Variants in CPXM2 observed in about 807,000 individuals in gnomAD.
The protein encoded by CPXM2 is inactive carboxypeptidase-like protein X2.
In CPXM2, 66 loss-of-function variants were observed where a neutral mutation model predicts 86.1. That is an observed-to-expected ratio of 0.77 (90% CI 0.63 to 0.94). The LOEUF (loss-of-function observed/expected upper bound fraction) is 0.94, where lower values mean the gene tolerates loss of function less well. Ranked by LOEUF, CPXM2 falls within the 40% of genes least tolerant of loss-of-function variation. The pLI is 0.00. For missense variants in CPXM2, 948 were observed against 1,026.3 expected (o/e 0.92, Z 1.04); for synonymous variants, 388 against 400.2 (o/e 0.97, Z 0.36).
At position 123,746,797 on chromosome 10, in the gene CPXM2, C is replaced by G. The variant is rs1845978758; in HGVS notation, c.2238G>C (p.Lys746Asn). 2 of 1,614,228 alleles carry G rather than the reference C, an allele frequency of 1.2e-6. No homozygotes were observed. Among genetic ancestry groups the G allele is most frequent in the African/African-American group, 2.7e-5 (2 of 75,060 alleles). ...QPVSLPARRL[K>N]LRGQKRRQRG ...GCTGTCGTCTCTTCTGCCCCCGCAG[C>G]TTCAGCCGCCTGGCTGGCAGGCTGA... The change falls in exon 14 of 14, where the codon AAG becomes AAC. Residue 746 changes from lysine to asparagine, a missense_variant. Transcript: ENST00000241305.
intron 8 of CPXM2, among the ~76,000 whole-genome samples, chr10:123,769,033 CA>C (rs992756621): frequency 7.9e-5 from 12 of 152,042 alleles, no homozygotes; most frequent in Non-Finnish European, 1.6e-4. Flanking sequence ...AAGTTGAGCA[CA>C]AGCCGTAGCA....
intron 2 of CPXM2, 99 bp from the exon 3 acceptor site, chr10:123,862,822 G>T (rs1590078213): frequency 1.0e-6 from 1 of 966,252 alleles, no homozygotes; most frequent in Non-Finnish European, 1.6e-6. Flanking sequence ...ATTTTCCCCT[G>T]AACTCCCACC....
chr10:123,757,459 G>C, intron 11 of CPXM2, 107 bp from the exon 12 acceptor site: 2 of 920,694 alleles, frequency 2.2e-6, no homozygotes, highest in Non-Finnish European at 3.5e-6. Flanking sequence ...GGAAGGCCTT[G>C]TTTAAACAGG....
chr10:123,816,455 G>A (rs55756280), intron 4 of CPXM2, among the ~76,000 whole-genome samples: 6,431 of 152,232 alleles, frequency 0.042, 427 homozygotes, highest in African/African-American at 0.14. Context: ...GATTAGCGCC[G>A]CCATCAAGGG....
chr10:123,896,741 G>A (rs897271585), upstream of CPXM2, among the ~76,000 whole-genome samples: 8 of 152,206 alleles, frequency 5.3e-5, no homozygotes, highest in Non-Finnish European at 1.2e-4. Context: ...ACATGAACAG[G>A]CACCCAGGGA....
intron 2 of CPXM2, among the ~76,000 whole-genome samples, chr10:123,932,249 G>C (rs560023779): frequency 1.3e-5 from 2 of 152,196 alleles, no homozygotes; most frequent in East Asian, 3.9e-4. Context: ...GGTGGTATTG[G>C]GCTGCTCTGG....
chr10:123,938,212 G>T (rs991923118), intron 2 of CPXM2, among the ~76,000 whole-genome samples: 3 of 152,186 alleles, frequency 2.0e-5, no homozygotes, highest in Admixed American at 6.5e-5. Flanking sequence ...GATTCAGCAG[G>T]CCTGAGGAGG....
intron 2 of CPXM2, among the ~76,000 whole-genome samples, chr10:123,935,002 G>A (rs1199097758): frequency 6.6e-6 from 1 of 152,186 alleles, no homozygotes; most frequent in Non-Finnish European, 1.5e-5. Flanking sequence ...GAAGTTCTTA[G>A]TTGTTCTTCT....
At chr10:123,907,269 A>G (rs76389226) in intron 2 of CPXM2, among the ~76,000 whole-genome samples, 11,249 of 152,248 alleles carry the variant, frequency 0.074, 525 homozygotes, top group East Asian at 0.19. Context: ...ATTTTTAGAG[A>G]CCTCTTAATG....
intron 13 of CPXM2, among the ~76,000 whole-genome samples, chr10:123,749,045 T>G (rs1846021638): frequency 6.6e-6 from 1 of 152,222 alleles, no homozygotes. Flanking sequence ...AACATTGGTT[T>G]ATCTGAATGG....
chr10:123,926,809 G>C (rs943376121), intron 2 of CPXM2, among the ~76,000 whole-genome samples: 1 of 152,208 alleles, frequency 6.6e-6, no homozygotes, highest in Non-Finnish European at 1.5e-5. Flanking sequence ...GGAATCCCCA[G>C]GGCTTCTGAG....
chr10:123,863,008 C>G (rs1848889473), intron 2 of CPXM2, among the ~76,000 whole-genome samples: 1 of 152,224 alleles, frequency 6.6e-6, no homozygotes, highest in South Asian at 2.1e-4. Flanking sequence ...CAACATGACT[C>G]AGTCAGGAAG....
At chr10:123,894,426 A>G (rs192178254), upstream of CPXM2, among the ~76,000 whole-genome samples, 15 of 152,302 alleles carry the variant, frequency 9.8e-5, no homozygotes, top group East Asian at 2.9e-3. Context: ...AGCAAGTAGG[A>G]CAAATAGAAC....
At chr10:123,843,481 T>C (rs920682861) in intron 3 of CPXM2, among the ~76,000 whole-genome samples, 29 of 143,930 alleles carry the variant, frequency 2.0e-4, no homozygotes, top group Non-Finnish European at 2.8e-4. Flanking sequence ...TTGCCCAGGC[T>C]GGAGTGCAGT....
intron 2 of CPXM2, among the ~76,000 whole-genome samples, chr10:123,911,344 C>T (rs186240247): frequency 3.3e-5 from 5 of 152,106 alleles, no homozygotes; most frequent in East Asian, 2.0e-4. Context: ...ACAGGTCCCC[C>T]GGCAGCTGCT....
In CPXM2 at chr10:123,889,243, T is replaced by A. The variant is rs369467894; in HGVS notation, c.304+2113A>T. 1.4e-4 allele frequency among the ~76,000 whole-genome samples: 21 copies of A among 152,102 alleles called. No homozygotes were observed. In the East Asian group the frequency reaches 1.9e-3, roughly 14 times the overall value. ...TGTTTTGTAGGGAAAGAAACCTATC[T>A]TAGGAATGATGTCCGGTCACTTGTA... On this transcript the variant is annotated intron_variant, in intron 1 of 13. Transcript: ENST00000241305.
intron 3 of CPXM2, among the ~76,000 whole-genome samples, chr10:123,854,433 T>C (rs1303767061): frequency 2.5e-5 from 3 of 121,182 alleles, no homozygotes; most frequent in Non-Finnish European, 5.2e-5. Flanking sequence ...AATATATATA[T>C]AATATACTTT....
chr10:123,756,240 C>A (rs1325397463), intron 12 of CPXM2, among the ~76,000 whole-genome samples: 1 of 151,964 alleles, frequency 6.6e-6, no homozygotes, highest in Non-Finnish European at 1.5e-5. Context: ...AGAATTAACA[C>A]TTAGAAAAAA....
At chr10:123,932,560 C>G (rs929447540) in intron 2 of CPXM2, among the ~76,000 whole-genome samples, 1 of 152,252 alleles carries the variant, frequency 6.6e-6, no homozygotes, top group Non-Finnish European at 1.5e-5. Context: ...GACTCTCCAT[C>G]CTTCTGTACG....
Sources: gnomAD v4.1 joint callset for allele counts (sites outside exome capture counted in the v4.1 genomes callset) on GRCh38, gnomAD v4.1.1 for gene constraint, MANE v1.5 for transcripts, NCBI Gene and HGNC (gene_info 2026-07-23, HGNC 2026-07-21) for gene names.